Variants in SCMH1 observed in about 807,000 individuals in gnomAD.
The protein encoded by SCMH1 is Scm polycomb group protein homolog 1.
In SCMH1, 37 loss-of-function variants were observed where a neutral mutation model predicts 70.8. The ratio of observed to expected loss-of-function variants is 0.52; its 90% confidence interval spans 0.40 to 0.69. The LOEUF is 0.69. Ranked by LOEUF, SCMH1 falls within the 30% of genes least tolerant of loss-of-function variation. SCMH1 has a pLI of 0.00. For synonymous variants in SCMH1, 292 were observed against 307.4 expected (o/e 0.95, Z 0.52); for missense variants, 607 against 827.3 (o/e 0.73, Z 3.27).
At chr1:41,046,734 C>T in intron 11 of SCMH1, 136 bp from the exon 12 acceptor site, 1 of 691,134 alleles carries the variant, frequency 1.4e-6, no homozygotes, top group Non-Finnish European at 2.5e-6. Context: ...CGTTTCCTCC[C>T]TCCCTCCCTT....
chr1:41,072,796 G>A (rs1303934657), intron 9 of SCMH1, among the ~76,000 whole-genome samples: 4 of 152,078 alleles, frequency 2.6e-5, no homozygotes, highest in Non-Finnish European at 5.9e-5. Context: ...AGCCCAGGAG[G>A]TCAAGGCTGC....
chr1:41,094,471 G>C (rs911759742), intron 8 of SCMH1, among the ~76,000 whole-genome samples: 1 of 152,130 alleles, frequency 6.6e-6, no homozygotes, highest in African/African-American at 2.4e-5. Flanking sequence ...AGGATCCAAG[G>C]AGTACAGTTT....
At chr1:41,044,832 C>T (rs535986186) in intron 12 of SCMH1, among the ~76,000 whole-genome samples, 6 of 152,166 alleles carry the variant, frequency 3.9e-5, no homozygotes, top group South Asian at 4.2e-4. Context: ...GGTCATGCCC[C>T]GGTCCCAAAC....
chr1:41,231,689 C>T (rs1005737121), intron 1 of SCMH1, among the ~76,000 whole-genome samples: 1 of 152,124 alleles, frequency 6.6e-6, no homozygotes, highest in Non-Finnish European at 1.5e-5. Flanking sequence ...CTTTCTCAAA[C>T]GTTCCTTGTT....
At chr1:41,072,938 G>C (rs896618207) in intron 9 of SCMH1, among the ~76,000 whole-genome samples, 1 of 152,064 alleles carries the variant, frequency 6.6e-6, no homozygotes, top group African/African-American at 2.4e-5. Context: ...CACTTGTAGG[G>C]GTAGGCAAAA....
Position 41,113,181 on chromosome 1 carries a change from A to G in SCMH1, c.745+102T>C. The stretch of plus-strand genomic sequence containing the variant: ...CTGCTGGCCCTTGCTCCTCCCCTGC[A>G]TACTAGTGAAGTATACTGGTGAAGA... On this transcript the variant is annotated intron_variant, in intron 8 of 14. Transcript: ENST00000337495. The surrounding 1 kb of genome is among the most constrained non-coding windows in gnomAD (Gnocchi z 4.3). 1.4e-6 allele frequency: 2 copies of G among 1,443,014 alleles called. No individual in the cohort carries two copies. The highest frequency in any genetic ancestry group is 1.9e-6 in the Non-Finnish European group (2 of 1,072,240). 89.4% of individuals were successfully genotyped at this position (1,443,014 alleles called of 1,614,324 possible).
intron 10 of SCMH1, among the ~76,000 whole-genome samples, chr1:41,056,225 G>GTTA (rs1440817601): frequency 3.9e-5 from 6 of 152,206 alleles, no homozygotes; most frequent in Non-Finnish European, 7.3e-5. Flanking sequence ...CAAAGCCCAA[G>GTTA]TTATCCTTTG....
At chr1:41,145,896 C>T (rs777694114) in intron 5 of SCMH1, among the ~76,000 whole-genome samples, 4 of 152,170 alleles carry the variant, frequency 2.6e-5, no homozygotes, top group Non-Finnish European at 5.9e-5. Context: ...CAATTATGTA[C>T]AGTACATAAT....
intron 8 of SCMH1, among the ~76,000 whole-genome samples, chr1:41,082,162 T>C (rs1248210218): frequency 1.3e-5 from 2 of 151,806 alleles, no homozygotes; most frequent in Non-Finnish European, 2.9e-5. Context: ...GCACTAATTA[T>C]CAAAGAGTGA....
intron 2 of SCMH1, among the ~76,000 whole-genome samples, chr1:41,175,070 TGGGCTAA>T (rs1320107241): frequency 6.6e-6 from 1 of 152,266 alleles, no homozygotes; most frequent in East Asian, 1.9e-4. Context: ...TCAACTTAAC[TGGGCTAA>T]GGGACGCCCA....
At chr1:41,235,246 C>G (rs1662126472) in intron 1 of SCMH1, among the ~76,000 whole-genome samples, 1 of 151,972 alleles carries the variant, frequency 6.6e-6, no homozygotes, top group South Asian at 2.1e-4. Context: ...ATTAGTATTT[C>G]TTTATACTTC....
At chr1:41,231,293 G>A (rs991165953) in intron 1 of SCMH1, among the ~76,000 whole-genome samples, 1 of 152,140 alleles carries the variant, frequency 6.6e-6, no homozygotes, top group Admixed American at 6.6e-5. Context: ...ATTATCAAAT[G>A]AGTCAACTAA....
chr1:41,130,943 C>A (rs1032496348), intron 6 of SCMH1, among the ~76,000 whole-genome samples: 2 of 151,980 alleles, frequency 1.3e-5, no homozygotes, highest in African/African-American at 2.4e-5. Context: ...TCTATTTTTT[C>A]TTTTGTTTTT....
At chr1:41,063,740 A>G (rs146227973) in intron 10 of SCMH1, among the ~76,000 whole-genome samples, 1 of 152,212 alleles carries the variant, frequency 6.6e-6, no homozygotes, top group Non-Finnish European at 1.5e-5. Context: ...AAATGAACTC[A>G]TTCCTTCAAA....
intron 4 of SCMH1, among the ~76,000 whole-genome samples, chr1:41,155,504 G>A (rs1645441707): frequency 6.6e-6 from 1 of 150,408 alleles, no homozygotes; most frequent in Non-Finnish European, 1.5e-5. Context: ...TCCACATGGA[G>A]CAAAAACAAA....
chr1:41,121,551 G>A lies in SCMH1; in HGVS notation c.413-4541C>T, dbSNP rs150671028. ...AAGGAAAAGGACAGGTGGGTAAGAG[G>A]AAATCCTAATCTCTAAATGTAGAGC... On this transcript the variant is annotated intron_variant, in intron 6 of 14. Transcript: ENST00000337495. Among the ~76,000 whole-genome samples the A allele has an allele frequency of 1.2e-3, 176 of 152,250 alleles. 1 individual carries two copies. The highest frequency in any genetic ancestry group is 3.8e-3 in the African/African-American group (158 of 41,538).
At chr1:41,226,887 A>C (rs145116965) in intron 1 of SCMH1, among the ~76,000 whole-genome samples, 3 of 152,354 alleles carry the variant, frequency 2.0e-5, no homozygotes, top group African/African-American at 7.2e-5. Context: ...GTTGAAATCT[A>C]AACAATGAAT....
chr1:41,171,733 CAA>C (rs1333923656), intron 2 of SCMH1, among the ~76,000 whole-genome samples: 3 of 151,988 alleles, frequency 2.0e-5, no homozygotes, highest in South Asian at 4.1e-4. Flanking sequence ...AAACCAATAA[CAA>C]GAGGAACTTT....
chr1:41,204,432 T>C (rs537460618), intron 1 of SCMH1, among the ~76,000 whole-genome samples: 2 of 152,294 alleles, frequency 1.3e-5, no homozygotes, highest in East Asian at 3.9e-4. Context: ...AAGTACCTTA[T>C]CCTGGCCCAC....
Sources: gnomAD v4.1 joint callset for allele counts (sites outside exome capture counted in the v4.1 genomes callset) on GRCh38, gnomAD v4.1.1 for gene constraint, Gnocchi (gnomAD v3.1) non-coding constraint, MANE v1.5 for transcripts, NCBI Gene and HGNC (gene_info 2026-07-23, HGNC 2026-07-21) for gene names.